Variants in ARHGAP6 observed in about 807,000 individuals in gnomAD.
The protein encoded by ARHGAP6 is rho GTPase-activating protein 6.
Under a neutral mutation model 55.7 loss-of-function variants are expected in ARHGAP6, and 16 were observed. The ratio of observed to expected loss-of-function variants is 0.29; its 90% CI spans 0.19 to 0.44. The LOEUF (loss-of-function observed/expected upper bound fraction) is 0.44. Among genes scored for constraint, ARHGAP6 ranks in the 20% least tolerant of loss-of-function variants. ARHGAP6 has a pLI of 1.00. For synonymous variants in ARHGAP6, 382 were observed against 360.9 expected, an observed-to-expected ratio of 1.06 and a Z score of -0.66; for missense variants, 698 against 808.9, an observed-to-expected ratio of 0.86 and a Z score of 1.66.
At chrX:11,551,964 A>G (rs748624000) in intron 1 of ARHGAP6, among the ~76,000 whole-genome samples, 1 of 111,960 alleles carries the variant, frequency 8.9e-6, no homozygotes, top group South Asian at 3.7e-4. Context: ...GTGCTGCTTC[A>G]TTACAGCAGC....
intron 1 of ARHGAP6, among the ~76,000 whole-genome samples, chrX:11,597,144 A>G (rs1010877454): frequency 8.9e-6 from 1 of 111,876 alleles, no homozygotes; most frequent in Non-Finnish European, 1.9e-5. Context: ...ATTTACTCAG[A>G]AATATTTGTG....
chrX:11,358,485 CT>C lies in ARHGAP6; in HGVS notation c.589-103779del, dbSNP rs1555998517. Among the ~76,000 whole-genome samples, 27 of 39,472 alleles carry C rather than the reference CT, an allele frequency of 6.8e-4. 1 individual carries two copies. The highest frequency in any genetic ancestry group is 0.022 in the Middle Eastern group (2 of 92). 34.3% of individuals were successfully genotyped at this position (39,472 alleles called of 115,157 possible). ...TCTTTCTTTCTTTCTTTCTTTCTTT[CT>C]TTTTTTTTTTTTGACAGAGTTTTAC... On this transcript the variant is annotated intron_variant, in intron 1 of 12. Coordinates refer to ENST00000337414, the MANE Select transcript of ARHGAP6 (RefSeq NM_013427.3).
At chrX:11,144,593 A>G (rs2045664867) in intron 10 of ARHGAP6, among the ~76,000 whole-genome samples, 1 of 112,632 alleles carries the variant, frequency 8.9e-6, no homozygotes, top group East Asian at 2.8e-4. Context: ...TGAAAGTCTG[A>G]TGCTCACTAT....
intron 1 of ARHGAP6, among the ~76,000 whole-genome samples, chrX:11,355,158 C>T (rs944209224): frequency 3.6e-5 from 4 of 111,529 alleles, no homozygotes; most frequent in African/African-American, 1.3e-4. Context: ...AAGCATTACA[C>T]CAGGCAATGG....
intron 2 of ARHGAP6, chrX:11,225,687 C>A: frequency 1.5e-6 from 1 of 658,909 alleles, no homozygotes; most frequent in Non-Finnish European, 2.3e-6. Context: ...TCAAGAGCAA[C>A]AAAAGAGACG....
intron 10 of ARHGAP6, among the ~76,000 whole-genome samples, chrX:11,155,367 T>G (rs1240341177): frequency 1.8e-5 from 2 of 111,365 alleles, no homozygotes; most frequent in Non-Finnish European, 3.8e-5. Flanking sequence ...TGGTGCAGTC[T>G]CGGCTCACTG....
At chrX:11,569,548 T>A (rs1467841345) in intron 1 of ARHGAP6, among the ~76,000 whole-genome samples, 1 of 111,431 alleles carries the variant, frequency 9.0e-6, no homozygotes, top group East Asian at 2.8e-4. Context: ...AAACCAAAGC[T>A]CTGACTCTAC....
chrX:11,179,173 G>T, intron 7 of ARHGAP6, 129 bp downstream of exon 7: 1 of 634,271 alleles, frequency 1.6e-6, no homozygotes, highest in Non-Finnish European at 2.3e-6. Flanking sequence ...CCCTCAAATA[G>T]CTCACTCTTT....
chrX:11,304,096 CTTTTT>C (rs758946992), intron 1 of ARHGAP6, among the ~76,000 whole-genome samples: 1 of 104,371 alleles, frequency 9.6e-6, no homozygotes, highest in African/African-American at 3.5e-5. Context: ...TCACGTTTGT[CTTTTT>C]TTTTTTGAGA....
intron 2 of ARHGAP6, among the ~76,000 whole-genome samples, chrX:11,210,179 G>A (rs762920731): frequency 1.4e-4 from 16 of 112,500 alleles, no homozygotes; most frequent in East Asian, 2.8e-4. Flanking sequence ...GCCGATAAAC[G>A]GGTGGCTCTG....
intron 1 of ARHGAP6, among the ~76,000 whole-genome samples, chrX:11,318,418 C>A (rs979416746): frequency 1.8e-5 from 2 of 111,518 alleles, no homozygotes; most frequent in Non-Finnish European, 3.8e-5. Context: ...CATCCATAAT[C>A]CAACAATCAT....
chrX:11,412,864 C>T (rs1294909918), intron 1 of ARHGAP6, among the ~76,000 whole-genome samples: 1 of 112,369 alleles, frequency 8.9e-6, no homozygotes, highest in Non-Finnish European at 1.9e-5. Flanking sequence ...GTCATTTCCA[C>T]ATAACTCTCC....
intron 1 of ARHGAP6, among the ~76,000 whole-genome samples, chrX:11,406,973 T>C (rs2049617760): frequency 9.0e-6 from 1 of 111,381 alleles, no homozygotes; most frequent in Admixed American, 9.5e-5. Flanking sequence ...GGTTCATTTT[T>C]TATAACTACA....
At chrX:11,600,510 C>A (rs1055054473) in intron 1 of ARHGAP6, among the ~76,000 whole-genome samples, 3 of 112,472 alleles carry the variant, frequency 2.7e-5, no homozygotes, top group African/African-American at 3.2e-5. Context: ...CTGCCGGGAA[C>A]ACCTGTAAAT....
intron 1 of ARHGAP6, among the ~76,000 whole-genome samples, chrX:11,399,862 G>A (rs2049525979): frequency 8.9e-6 from 1 of 112,188 alleles, no homozygotes; most frequent in Admixed American, 9.5e-5. Flanking sequence ...TAAACAAAAT[G>A]TGGCGTACCC....
chrX:11,513,732 C>T (rs68161663), intron 1 of ARHGAP6, among the ~76,000 whole-genome samples: 20,254 of 110,362 alleles, frequency 0.18, 1,437 homozygotes, highest in Middle Eastern at 0.29. Context: ...TGGAACCATG[C>T]GACAAATTCT....
intron 9 of ARHGAP6, among the ~76,000 whole-genome samples, chrX:11,158,190 T>C (rs185920414): frequency 1.8e-5 from 2 of 112,060 alleles, no homozygotes; most frequent in African/African-American, 6.5e-5. Context: ...TCAAAGTCTA[T>C]TGAGCATTCC....
chrX:11,328,970 A>T (rs1185582664), intron 1 of ARHGAP6, among the ~76,000 whole-genome samples: 1 of 112,210 alleles, frequency 8.9e-6, no homozygotes, highest in Non-Finnish European at 1.9e-5. Context: ...TTACAAAAAA[A>T]TCTAATTCTG....
intron 1 of ARHGAP6, among the ~76,000 whole-genome samples, chrX:11,374,096 G>A (rs2049173998): frequency 8.9e-6 from 1 of 111,836 alleles, no homozygotes; most frequent in African/African-American, 3.3e-5. Flanking sequence ...AGCCTGTTGA[G>A]GTAAAGGACT....
Sources: allele counts gnomAD v4.1 joint callset (sites outside exome capture counted in the v4.1 genomes callset), GRCh38; gene constraint gnomAD v4.1.1; transcripts MANE v1.5; gene names NCBI Gene and HGNC (gene_info 2026-07-23, HGNC 2026-07-21).